The following CEP89 variants were observed in gnomAD, a reference collection of about 807,000 sequenced individuals.
The protein encoded by CEP89 is centrosomal protein 89.
Under a neutral mutation model 97.6 loss-of-function variants are expected in CEP89, and 95 were observed. The observed-to-expected ratio is 0.97, with a 90% CI of 0.82 to 1.15. The LOEUF is 1.15. Among genes scored for constraint, CEP89 ranks in the 50% most tolerant of loss-of-function variants. CEP89 has a pLI of 0.00. For synonymous variants in CEP89, 354 were observed against 349.1 expected, an observed-to-expected ratio of 1.01 and a Z score of -0.16; for missense variants, 869 against 947.7, an observed-to-expected ratio of 0.92 and a Z score of 1.09.
rs950960960 is a variant in CEP89, at chr19:32,912,770, C to T, written c.1565+2567G>A. The stretch of plus-strand genomic sequence containing the variant: ...AATTTATATAAAATATGGCCGGGCG[C>T]GGTGGCTCATGCCTGTAATCCCAGC... On this transcript the variant is annotated intron_variant, in intron 14 of 18. Transcript: ENST00000305768. 4.0e-5 allele frequency among the ~76,000 whole-genome samples: 6 copies of T among 151,898 alleles called. No homozygotes were observed. In the East Asian group the frequency reaches 5.8e-4, roughly 15 times the overall value.
Position 32,879,491 on chromosome 19 carries a change from C to T in CEP89, c.2136-113G>A, listed in dbSNP as rs1300838554. On this transcript the variant is annotated intron_variant, in intron 18 of 18. Coordinates refer to ENST00000305768, the MANE Select transcript of CEP89 (RefSeq NM_032816.5). ...GAACGCTATCAGCAGGGAACAGAGC[C>T]CTCGGTGCCTGGGTTCTGAAGCAAG... 5 of 838,136 alleles carry T rather than the reference C, an allele frequency of 6.0e-6. No individual in the cohort carries two copies. The Admixed American group carries it at 1.2e-4, about 20-fold the overall frequency. 51.9% of individuals were successfully genotyped at this position (838,136 alleles called of 1,614,324 possible). A position where few individuals can be genotyped will look rare whatever the true frequency, so the allele number is the denominator to read the frequency against.
At chr19:32,884,025 G>A (rs1288744764) in intron 17 of CEP89, among the ~76,000 whole-genome samples, 3 of 152,064 alleles carry the variant, frequency 2.0e-5, no homozygotes, top group South Asian at 4.1e-4. Flanking sequence ...AGGCTGGAGT[G>A]CAGTGGCTGT....
intron 11 of CEP89, among the ~76,000 whole-genome samples, chr19:32,924,108 C>T (rs1005574206): frequency 6.6e-6 from 1 of 151,136 alleles, no homozygotes; most frequent in Non-Finnish European, 1.5e-5. Flanking sequence ...TAGGCTCAAG[C>T]GATCCTCCCA....
rs747748300 is a variant in CEP89, at chr19:32,926,215, T to C, written c.1139A>G (p.Lys380Arg). The C allele has an allele frequency of 5.0e-6, 8 of 1,613,622 alleles. No homozygotes were observed. The South Asian group carries it at 7.7e-5, about 16-fold the overall frequency. Reference protein sequence around the residue: ...LLAYEDMMKEKDELNATLKEE... With the variant: ...LLAYEDMMKERDELNATLKEE... ...CTTGAGGGTGGCATTGAGCTCGTCC[T>C]TCTCTTTCATCATATCTTCATAAGC... Residue 380 changes from lysine to arginine, a missense_variant, in exon 11 of 19, where the codon AAG (lysine) becomes AGG (arginine). Coordinates refer to ENST00000305768, the MANE Select transcript of CEP89 (RefSeq NM_032816.5).
At chr19:32,947,982 C>T (rs1012487464) in intron 5 of CEP89, among the ~76,000 whole-genome samples, 3 of 152,040 alleles carry the variant, frequency 2.0e-5, no homozygotes, top group Admixed American at 6.6e-5. Context: ...TTTATTTTTA[C>T]TTTTTGTACA....
intron 8 of CEP89, among the ~76,000 whole-genome samples, chr19:32,932,259 T>C (rs1337221673): frequency 1.3e-5 from 2 of 149,576 alleles, no homozygotes; most frequent in South Asian, 2.1e-4. Flanking sequence ...TCCCACATAA[T>C]AGCAATGTCC....
At chr19:32,883,152 G>C (rs928905401) in intron 17 of CEP89, among the ~76,000 whole-genome samples, 15 of 151,070 alleles carry the variant, frequency 9.9e-5, no homozygotes, top group Admixed American at 6.6e-4. Flanking sequence ...GTGAGACACC[G>C]CGCCCGGCCG....
rs34626245 is a variant in CEP89, at chr19:32,881,908, G to C, written c.2071C>G (p.Arg691Gly). The change falls in exon 18 of 19, where the codon CGG becomes GGG. Residue 691 changes from arginine (R) to glycine (G), a missense_variant. Physicochemically the swap from Arg to Gly is moderately radical, Grantham distance 125. Transcript: ENST00000305768. ...GKTAQYRQEM[R>G]HLHQVLKDKQ... ...TCCTTCAGCACCTGGTGCAGGTGCC[G>C]CATCTCCTGCCGGTACTGGGCTGTC... 1 of 1,604,926 alleles carries C rather than the reference G, an allele frequency of 6.2e-7. No homozygotes were observed. The highest frequency in any genetic ancestry group is 8.5e-7 in the Non-Finnish European group (1 of 1,177,752).
Position 32,893,958 on chromosome 19 carries a change from C to T in CEP89, c.1875+5899G>A, listed in dbSNP as rs146007512. Among the ~76,000 whole-genome samples the T allele has an allele frequency of 3.5e-3, 528 of 152,222 alleles. 1 individual carries two copies. The highest frequency in any genetic ancestry group is 0.012 in the African/African-American group (492 of 41,526). On this transcript the variant is annotated intron_variant, in intron 16 of 18. Transcript: ENST00000305768. ...AGTGGAAAGATTTCAAATAAACAAC[C>T]TAATGATGTACCTCAAGGAACTAGA... is the stretch of plus-strand genomic sequence containing the variant.
chr19:32,882,070 T>C, intron 17 of CEP89, 57 bp from the exon 18 acceptor site: 1 of 1,470,104 alleles, frequency 6.8e-7, no homozygotes, highest in East Asian at 2.5e-5. Flanking sequence ...GGGTGGACAG[T>C]GCCTCCTGGC....
rs943322251 is a variant in CEP89 at position 32,918,397 on chromosome 19, C to T, written c.1269-58G>A. ...TTCAGGTGCTGAATGGTTACAGAAA[C>T]ACTCTGGAATCTAAAAGGAAGCAAT... On this transcript the variant is annotated intron_variant, in intron 12 of 18. Coordinates refer to ENST00000305768, the MANE Select transcript of CEP89 (RefSeq NM_032816.5). 8 of 1,261,640 alleles carry T rather than the reference C, an allele frequency of 6.3e-6. No homozygotes were observed. In the East Asian group the frequency reaches 1.9e-4, roughly 29 times the overall value. The allele number at this position is 1,261,640 out of a possible 1,614,324, so 78.2% of individuals were successfully genotyped here.
chr19:32,899,966 T>C lies in CEP89; in HGVS notation c.1766A>G (p.Lys589Arg). 6.2e-7 allele frequency: 1 copy of C among 1,614,102 alleles called. No homozygotes were observed. Among genetic ancestry groups the C allele is most frequent in the South Asian group, 1.1e-5 (1 of 91,082 alleles). ...GTTCCCCATGGCTTTTTCCACCTGCTTTTTGAGGACCTCAATTTTCTTTTG... is the reference window on the plus strand; with the variant it reads ...GTTCCCCATGGCTTTTTCCACCTGCCTTTTGAGGACCTCAATTTTCTTTTG... ...KSQKKIEVLK[K>R]QVEKAMGNEM... The change falls in exon 16 of 19, where the codon AAG (lysine) becomes AGG (arginine). Residue 589 changes from lysine to arginine, a missense_variant. Lys to Arg is a conservative substitution (Grantham distance 26). Coordinates refer to ENST00000305768, the MANE Select transcript of CEP89 (RefSeq NM_032816.5).
intron 5 of CEP89, among the ~76,000 whole-genome samples, chr19:32,941,965 T>C (rs1327178099): frequency 3.3e-5 from 5 of 152,218 alleles, no homozygotes; most frequent in Non-Finnish European, 7.3e-5. Flanking sequence ...CTTGATTTGG[T>C]ATCACACAAT....
At position 32,930,621 on chromosome 19, in the gene CEP89, CTG is replaced by C. The variant is rs60984494; in HGVS notation, c.1029+806_1029+807del. ...GCCCAGCCAGCGGTGCCTCCCTCTC[CTG>C]TGTCCACAGTGTCACTCACATCTTC... On this transcript the variant is annotated intron_variant, in intron 9 of 18. Coordinates refer to ENST00000305768, the MANE Select transcript of CEP89 (RefSeq NM_032816.5). Among the ~76,000 whole-genome samples the C allele has an allele frequency of 6.4e-3, 980 of 152,242 alleles. 13 individuals carry two copies. Among genetic ancestry groups the C allele is most frequent in the African/African-American group, 0.022 (930 of 41,542 alleles).
At chr19:32,909,646 A>G (rs961871174) in intron 14 of CEP89, among the ~76,000 whole-genome samples, 1 of 152,220 alleles carries the variant, frequency 6.6e-6, no homozygotes, top group Admixed American at 6.5e-5. Flanking sequence ...AGCCAGACTA[A>G]ACATGATTAC....
intron 12 of CEP89, among the ~76,000 whole-genome samples, chr19:32,919,366 A>C (rs1970201646): frequency 6.6e-6 from 1 of 152,166 alleles, no homozygotes. Context: ...CCCAAAGTAC[A>C]CTGGGCGTTA....
At chr19:32,927,251 A>T (rs1003333609) in intron 9 of CEP89, among the ~76,000 whole-genome samples, 1 of 152,064 alleles carries the variant, frequency 6.6e-6, no homozygotes, top group South Asian at 2.1e-4. Context: ...TGAGAGAAAT[A>T]TTTTTTCTGA....
At chr19:32,950,020 C>CT (rs36042141) in intron 4 of CEP89, among the ~76,000 whole-genome samples, 2,986 of 143,594 alleles carry the variant, frequency 0.021, 45 homozygotes, top group South Asian at 0.055. Context: ...TGGCCCCGTA[C>CT]TTTTTTTTTT....
intron 6 of CEP89, among the ~76,000 whole-genome samples, chr19:32,938,585 G>A (rs1970623915): frequency 6.6e-6 from 1 of 152,156 alleles, no homozygotes; most frequent in Non-Finnish European, 1.5e-5. Context: ...TAATTTTTAA[G>A]TTCCTATGAC....
Sources: allele counts gnomAD v4.1 joint callset (sites outside exome capture counted in the v4.1 genomes callset), GRCh38; gene constraint gnomAD v4.1.1; transcripts MANE v1.5; gene names NCBI Gene and HGNC (gene_info 2026-07-23, HGNC 2026-07-21).